GRM5: variants seen among roughly 807,000 people sequenced by gnomAD.
GRM5 encodes glutamate metabotropic receptor 5, also known as metabotropic glutamate receptor 5.
Under a neutral mutation model 83.1 loss-of-function variants are expected in GRM5, and 19 were observed. That is an observed-to-expected ratio of 0.23 (90% CI 0.16 to 0.34). The LOEUF is 0.34. Ranked by LOEUF, GRM5 falls within the 10% of genes least tolerant of loss-of-function variation. GRM5 has a pLI of 1.00. For synonymous variants in GRM5, 675 were observed against 633.6 expected, an observed-to-expected ratio of 1.07 and a Z score of -0.98; for missense variants, 1,160 against 1,588.3, an observed-to-expected ratio of 0.73 and a Z score of 4.58.
chr11:88,521,715 T>TA (rs367611308), intron 9 of GRM5, among the ~76,000 whole-genome samples: 12 of 150,944 alleles, frequency 7.9e-5, no homozygotes, highest in African/African-American at 1.7e-4. Context: ...GACATGAGGT[T>TA]AAAAAAAAAG....
chr11:88,551,648 G>T (rs1005712312), intron 8 of GRM5, among the ~76,000 whole-genome samples: 3 of 152,136 alleles, frequency 2.0e-5, no homozygotes, highest in Admixed American at 1.3e-4. Flanking sequence ...CTCAACAGTT[G>T]AATTCAAACC....
chr11:88,809,483 G>A (rs2135495579), intron 3 of GRM5, among the ~76,000 whole-genome samples: 1 of 152,022 alleles, frequency 6.6e-6, no homozygotes, highest in Non-Finnish European at 1.5e-5. Flanking sequence ...TTTGCTTTAT[G>A]TAGTTCATCT....
At chr11:88,833,895 T>C (rs1307115668) in intron 3 of GRM5, among the ~76,000 whole-genome samples, 1 of 152,146 alleles carries the variant, frequency 6.6e-6, no homozygotes. Context: ...ATGTTCTCAC[T>C]CACATATGTG....
intron 2 of GRM5, among the ~76,000 whole-genome samples, chr11:88,869,655 A>G (rs988447786): frequency 6.6e-6 from 1 of 151,590 alleles, no homozygotes; most frequent in Non-Finnish European, 1.5e-5. Context: ...TAAACTGCTC[A>G]TCGGGCCTTT....
At chr11:88,956,776 G>C (rs111446438) in intron 2 of GRM5, among the ~76,000 whole-genome samples, 3 of 152,260 alleles carry the variant, frequency 2.0e-5, no homozygotes, top group East Asian at 1.9e-4. Context: ...ACTGCAGTCC[G>C]GCCTGGGCGA....
At chr11:88,770,722 G>C (rs570742734) in intron 3 of GRM5, among the ~76,000 whole-genome samples, 3 of 152,224 alleles carry the variant, frequency 2.0e-5, no homozygotes, top group South Asian at 2.1e-4. Context: ...TTCCAGAAAA[G>C]AATGTATTCT....
chr11:88,678,473 T>G (rs1940393001), intron 3 of GRM5, among the ~76,000 whole-genome samples: 1 of 152,144 alleles, frequency 6.6e-6, no homozygotes, highest in African/African-American at 2.4e-5. Flanking sequence ...AGTACTCATT[T>G]TCAACCTTTC....
Position 88,929,532 on chromosome 11 carries a change from G to T in GRM5, c.662-79377C>A, listed in dbSNP as rs145695193. On this transcript the variant is annotated intron_variant, in intron 2 of 9. Transcript: ENST00000305447. ...TGAAAAGCTTTTGTTCAGTCTAATG[G>T]CCTATTTAATACTAACGAAAAGTCC... Among the ~76,000 whole-genome samples, 292 of 152,120 alleles carry T rather than the reference G, an allele frequency of 1.9e-3. 12 individuals carry two copies. The East Asian group carries it at 0.051, about 27-fold the overall frequency.
intron 3 of GRM5, among the ~76,000 whole-genome samples, chr11:88,768,689 T>C (rs1942670090): frequency 6.6e-6 from 1 of 151,768 alleles, no homozygotes; most frequent in South Asian, 2.1e-4. Context: ...CTGGTCCTTA[T>C]ATGAAAGAGA....
Position 88,848,017 on chromosome 11 carries a change from C to A in GRM5, c.911+1889G>T, listed in dbSNP as rs1944327115. ...TGCTGATTTTTCTTATTAATGCTGGCAAATGGAGCAGATAGGAATCGTGGA... is the reference window on the plus strand; with the variant it reads ...TGCTGATTTTTCTTATTAATGCTGGAAAATGGAGCAGATAGGAATCGTGGA... On this transcript the variant is annotated intron_variant, in intron 3 of 9. Coordinates refer to ENST00000305447, the MANE Select transcript of GRM5 (RefSeq NM_001143831.3). 4.6e-5 allele frequency among the ~76,000 whole-genome samples: 7 copies of A among 152,112 alleles called. No homozygotes were observed. The South Asian group carries it at 1.4e-3, about 32-fold the overall frequency.
intron 8 of GRM5, among the ~76,000 whole-genome samples, chr11:88,527,617 T>C (rs1941909664): frequency 6.6e-6 from 1 of 152,088 alleles, no homozygotes; most frequent in Non-Finnish European, 1.5e-5. Context: ...TATAAATCTC[T>C]CTATCATAAA....
At chr11:88,915,896 G>A (rs751815189) in intron 2 of GRM5, among the ~76,000 whole-genome samples, 35 of 152,058 alleles carry the variant, frequency 2.3e-4, no homozygotes, top group Non-Finnish European at 4.3e-4. Flanking sequence ...ACTGAAGGCC[G>A]AATAGTCTTT....
At chr11:89,059,092 T>G (rs946374117) in intron 1 of GRM5, among the ~76,000 whole-genome samples, 1 of 152,164 alleles carries the variant, frequency 6.6e-6, no homozygotes, top group Non-Finnish European at 1.5e-5. Flanking sequence ...ATTATCACTG[T>G]GATTACAAGT....
intron 3 of GRM5, among the ~76,000 whole-genome samples, chr11:88,753,534 G>C (rs1403246014): frequency 6.6e-6 from 1 of 151,996 alleles, no homozygotes; most frequent in Non-Finnish European, 1.5e-5. Flanking sequence ...AAGACCTAGA[G>C]GCAGAAATAT....
At chr11:89,032,822 T>C (rs1466108182) in intron 2 of GRM5, among the ~76,000 whole-genome samples, 6 of 152,028 alleles carry the variant, frequency 3.9e-5, no homozygotes, top group Non-Finnish European at 7.4e-5. Context: ...TACTCAGAGC[T>C]CCCACTGTTA....
chr11:88,970,339 T>A (rs1010394332), intron 2 of GRM5, among the ~76,000 whole-genome samples: 1 of 152,144 alleles, frequency 6.6e-6, no homozygotes, highest in African/African-American at 2.4e-5. Context: ...CTGCTTCCCC[T>A]AGATTTTCAC....
intron 7 of GRM5, among the ~76,000 whole-genome samples, chr11:88,576,962 A>G (rs1194981274): frequency 2.0e-5 from 3 of 152,058 alleles, no homozygotes; most frequent in Non-Finnish European, 4.4e-5. Context: ...TTATTTTGCA[A>G]ATAAGCTGCA....
chr11:88,788,261 A>G (rs1591516870), intron 3 of GRM5, among the ~76,000 whole-genome samples: 1 of 152,218 alleles, frequency 6.6e-6, no homozygotes, highest in South Asian at 2.1e-4. Context: ...ATATAACACA[A>G]TAAGCTAGGT....
chr11:88,938,268 A>G (rs1011471554), intron 2 of GRM5, among the ~76,000 whole-genome samples: 1 of 151,742 alleles, frequency 6.6e-6, no homozygotes, highest in Non-Finnish European at 1.5e-5. Context: ...TAGCCTTATC[A>G]CATTTTACTC....
Sources: allele counts gnomAD v4.1 joint callset (sites outside exome capture counted in the v4.1 genomes callset), GRCh38; gene constraint gnomAD v4.1.1; transcripts MANE v1.5; gene names NCBI Gene and HGNC (gene_info 2026-07-23, HGNC 2026-07-21).